CDC20B: variants seen among roughly 807,000 people sequenced by gnomAD.
CDC20B encodes the protein cell division cycle 20B.
Under a neutral mutation model 64.1 loss-of-function variants are expected in CDC20B, and 58 were observed. The observed-to-expected ratio is 0.90, with a 90% CI of 0.73 to 1.13. CDC20B has a LOEUF of 1.13. Ranked by LOEUF, CDC20B falls within the 50% of genes most tolerant of loss-of-function variation. The pLI, the probability that CDC20B is intolerant of heterozygous loss-of-function variation, is 0.00. For synonymous variants in CDC20B, 243 were observed against 230.6 expected (o/e 1.05, Z -0.49); for missense variants, 597 against 633.0 (o/e 0.94, Z 0.61).
intron 9 of CDC20B, among the ~76,000 whole-genome samples, chr5:55,121,341 C>T (rs1742750689): frequency 6.6e-6 from 1 of 151,904 alleles, no homozygotes; most frequent in East Asian, 1.9e-4. Flanking sequence ...AACAGTTTTC[C>T]ACGTTTTAAT....
rs1316976611 is a variant in CDC20B at position 55,128,409 on chromosome 5, A to AT, written c.894+11_894+12insA. On this transcript the variant is annotated intron_variant, in intron 7 of 11. Coordinates refer to ENST00000381375, the MANE Select transcript of CDC20B (RefSeq NM_001170402.1). ...AGAGAACATGATGAGAAAAAAAAAAACTGGCCAGTACTTGCACTTCTCCCT... is the reference window on the plus strand; with the variant it reads ...AGAGAACATGATGAGAAAAAAAAAAATCTGGCCAGTACTTGCACTTCTCCCT... The AT allele has an allele frequency of 6.4e-7, 1 of 1,569,400 alleles. No individual in the cohort carries two copies.
chr5:55,172,639 C>T lies in CDC20B; in HGVS notation c.75G>A (p.Met25Ile), dbSNP rs1264435665. 3.1e-6 allele frequency: 5 copies of T among 1,611,758 alleles called. No individual in the cohort carries two copies. The African/African-American group carries it at 5.3e-5, about 17-fold the overall frequency. Residue 25 changes from methionine to isoleucine, a missense_variant, in exon 2 of 12, where the codon ATG becomes ATA. By Grantham distance (10) the Met-to-Ile change is conservative (BLOSUM62 1). Transcript: ENST00000381375. ...GCTTCAAGTCTTTGGAGAGCACACGCATGATACTTTCCTTTGAAAACACAG... is the reference window on the plus strand; with the variant it reads ...GCTTCAAGTCTTTGGAGAGCACACGTATGATACTTTCCTTTGAAAACACAG... The part of the protein sequence containing the change: ...TEEEMLWESI[M>I]RVLSKDLKQK...
intron 2 of CDC20B, among the ~76,000 whole-genome samples, chr5:55,163,619 G>C (rs1253840697): frequency 6.6e-6 from 1 of 151,730 alleles, no homozygotes; most frequent in African/African-American, 2.4e-5. Flanking sequence ...TGATTCTACT[G>C]TCTCAGCCTC....
rs550187746 is a variant in CDC20B at position 55,172,535 on chromosome 5, G to A, written c.126+53C>T. The A allele has an allele frequency of 3.7e-6, 5 of 1,354,492 alleles. No individual in the cohort carries two copies. The East Asian group carries it at 6.9e-5, about 19-fold the overall frequency. 83.9% of individuals were successfully genotyped at this position (1,354,492 alleles called of 1,614,324 possible). ...CAAATACATTATTTACCAAGAATTC[G>A]TTTGTTCAAGATCAGAATTAAAACA... On this transcript the variant is annotated intron_variant, in intron 2 of 11. Transcript: ENST00000381375.
intron 8 of CDC20B, 60 bp downstream of exon 8, chr5:55,127,197 T>C (rs1173367383): frequency 7.1e-7 from 1 of 1,402,564 alleles, no homozygotes; most frequent in East Asian, 2.3e-5. Flanking sequence ...AACTGTTTAC[T>C]CAGGCCCCAT....
At chr5:55,154,952 A>G (rs1031077679) in intron 2 of CDC20B, among the ~76,000 whole-genome samples, 1 of 152,232 alleles carries the variant, frequency 6.6e-6, no homozygotes, top group Non-Finnish European at 1.5e-5. Flanking sequence ...ACTGCAGTGA[A>G]GGAAACACTG....
At chr5:55,118,817 A>G (rs1438866700) in intron 11 of CDC20B, among the ~76,000 whole-genome samples, 1 of 152,204 alleles carries the variant, frequency 6.6e-6, no homozygotes, top group Non-Finnish European at 1.5e-5. Flanking sequence ...TCATCATCAG[A>G]GGCAGGAAGT....
chr5:55,125,183 T>A (rs950052068), intron 8 of CDC20B, among the ~76,000 whole-genome samples, 155 bp from the exon 9 acceptor site: 3 of 152,230 alleles, frequency 2.0e-5, no homozygotes, highest in African/African-American at 7.2e-5. Flanking sequence ...GGATGGAGTG[T>A]TCTGCCTGGA....
chr5:55,173,005 G>T lies in CDC20B; in HGVS notation c.-5C>A. On this transcript the variant is annotated 5_prime_UTR_variant, in exon 1 of 12. Coordinates refer to ENST00000381375, the MANE Select transcript of CDC20B (RefSeq NM_001170402.1). ...GCGCTCCAGTTTCCACTCCATCTCC[G>T]GCTGACTTCGCCCTGCCTGGCGTTT... 1 of 1,609,646 alleles carries T rather than the reference G, an allele frequency of 6.2e-7. No homozygotes were observed. Among genetic ancestry groups the T allele is most frequent in the Non-Finnish European group, 8.5e-7 (1 of 1,178,180 alleles).
intron 11 of CDC20B, among the ~76,000 whole-genome samples, chr5:55,115,176 AG>A (rs1423869094): frequency 1.3e-5 from 2 of 152,242 alleles, no homozygotes; most frequent in Non-Finnish European, 2.9e-5. Flanking sequence ...AGCCACACTT[AG>A]GAAGTTCTGG....
At chr5:55,144,453 A>G (rs1477568737) in intron 3 of CDC20B, among the ~76,000 whole-genome samples, 2 of 152,202 alleles carry the variant, frequency 1.3e-5, no homozygotes, top group Non-Finnish European at 2.9e-5. Context: ...GCCTTTTGCC[A>G]TGTGACAATC....
intron 2 of CDC20B, among the ~76,000 whole-genome samples, chr5:55,170,175 T>C (rs1322072755): frequency 6.6e-6 from 1 of 152,154 alleles, no homozygotes; most frequent in Non-Finnish European, 1.5e-5. Context: ...ACTGAAAATC[T>C]GGGGACACAT....
intron 2 of CDC20B, among the ~76,000 whole-genome samples, chr5:55,159,652 G>A (rs1477622216): frequency 2.6e-5 from 4 of 152,126 alleles, no homozygotes; most frequent in Non-Finnish European, 1.5e-5. Context: ...AGGGTAAATA[G>A]CCTTTTTCAG....
chr5:55,172,972 G>A lies in CDC20B; in HGVS notation c.29C>T (p.Pro10Leu). The part of the protein sequence containing the change: MEWKLERTA[P>L]RRVRTEEEML... ...CTCCTCTTCCGTGCGGACCCTCCGA[G>A]GCGCGGTGCGCTCCAGTTTCCACTC... Residue 10 changes from proline to leucine, a missense_variant, in exon 1 of 12, where the codon CCT becomes CTT. By Grantham distance (98) the Pro-to-Leu change is moderately conservative (BLOSUM62 -3). This residue lies in a region of CDC20B where 241 missense variants were observed against 219.2 expected (regional missense o/e 1.10). Coordinates refer to ENST00000381375, the MANE Select transcript of CDC20B (RefSeq NM_001170402.1). The A allele has an allele frequency of 1.2e-6, 2 of 1,612,078 alleles. No individual in the cohort carries two copies. The highest frequency in any genetic ancestry group is 1.7e-6 in the Non-Finnish European group (2 of 1,179,300).
At chr5:55,145,766 TTCTC>T (rs200610318) in intron 3 of CDC20B, among the ~76,000 whole-genome samples, 2 of 147,202 alleles carry the variant, frequency 1.4e-5, no homozygotes, top group African/African-American at 4.9e-5. Context: ...TCCTCCTCTC[TTCTC>T]TCTTTCTCTT....
At chr5:55,171,300 G>A (rs540357018) in intron 2 of CDC20B, among the ~76,000 whole-genome samples, 51 of 152,286 alleles carry the variant, frequency 3.3e-4, no homozygotes, top group Non-Finnish European at 6.8e-4. Flanking sequence ...GCAACAAAGT[G>A]AGACTCTGTC....
In CDC20B at chr5:55,137,568, C is replaced by A. The variant is rs751567146; in HGVS notation, c.580+2746G>T. On this transcript the variant is annotated intron_variant, in intron 5 of 11. Coordinates refer to ENST00000381375, the MANE Select transcript of CDC20B (RefSeq NM_001170402.1). ...GCCTTGCATAGAGTATTCAGAGGGC[C>A]TCTCAATTAGTCTTTGCCACCAACA... 3.4e-4 allele frequency: 157 copies of A among 456,572 alleles called. 2 individuals carry two copies. The highest frequency in any genetic ancestry group is 5.5e-4 in the Non-Finnish European group (125 of 226,974). The allele number at this position is 456,572 out of a possible 1,614,324, so 28.3% of individuals were successfully genotyped here.
chr5:55,124,833 C>A lies in CDC20B; in HGVS notation c.1185G>T (p.Leu395=), dbSNP rs1742838097. 1.9e-6 allele frequency: 3 copies of A among 1,614,128 alleles called. No homozygotes were observed. The highest frequency in any genetic ancestry group is 2.5e-6 in the Non-Finnish European group (3 of 1,179,968). Residue 395 remains leucine (L), a synonymous_variant, in exon 9 of 12, where the codon CTG becomes CTT. Transcript: ENST00000381375. ...DPGASAQGQP[L]KVITQSTAVK... ...CTGCCGTAGACTGGGTTATGACTTT[C>A]AGCGGTTGGCCCTGTGCACTGGCAC...
intron 2 of CDC20B, among the ~76,000 whole-genome samples, chr5:55,156,975 A>T (rs945089747): frequency 6.6e-6 from 1 of 152,146 alleles, no homozygotes; most frequent in Non-Finnish European, 1.5e-5. Flanking sequence ...CATATTTCCA[A>T]AATTGCTTTT....
Sources: gnomAD v4.1 joint callset for allele counts (sites outside exome capture counted in the v4.1 genomes callset) on GRCh38, gnomAD v4.1.1 for gene constraint, gnomAD v4.1.1 regional missense constraint, MANE v1.5 for transcripts, NCBI Gene and HGNC (gene_info 2026-07-23, HGNC 2026-07-21) for gene names.